The following IL18BP variants were observed in gnomAD, a reference collection of about 807,000 sequenced individuals.
The protein encoded by IL18BP is interleukin-18-binding protein.
Under a neutral mutation model 19.9 loss-of-function variants are expected in IL18BP, and 23 were observed. The observed-to-expected ratio is 1.15, with a 90% CI of 0.83 to 1.64. IL18BP has a LOEUF of 1.64. Among genes scored for constraint, IL18BP ranks in the 40% most tolerant of loss-of-function variants. The pLI is 0.00. For missense variants in IL18BP, 239 were observed against 240.7 expected (o/e 0.99, Z 0.05); for synonymous variants, 107 against 101.0 (o/e 1.06, Z -0.35).
rs751149001 is a variant in IL18BP, at chr11:72,001,269, G to A, written c.304G>A (p.Gly102Ser). 17 of 1,614,098 alleles carry A rather than the reference G, an allele frequency of 1.1e-5. No individual in the cohort carries two copies. Among genetic ancestry groups the A allele is most frequent in the Non-Finnish European group, 1.4e-5 (16 of 1,180,052 alleles). Residue 102 changes from glycine to serine, a missense_variant, in exon 4 of 6, where the codon GGC becomes AGC. Gly to Ser is a moderately conservative substitution (Grantham distance 56). Transcript: ENST00000393703. ...FPNFSILYWL[G>S]NGSFIEHLPG... Reference sequence around the variant, plus strand: ...CAACTTCAGCATCCTCTACTGGCTGGGCAATGGTTCCTTCATTGAGCACCT... The same window carrying A: ...CAACTTCAGCATCCTCTACTGGCTGAGCAATGGTTCCTTCATTGAGCACCT...
downstream of IL18BP, chr11:72,007,757 A>G (rs1955844887): frequency 2.5e-6 from 1 of 404,226 alleles, no homozygotes; most frequent in Non-Finnish European, 4.6e-6. Context: ...TGCATCTCCC[A>G]TTTCAGTGAA....
downstream of IL18BP, chr11:72,006,152 G>A (rs567304918): frequency 2.5e-5 from 40 of 1,614,188 alleles, no homozygotes; most frequent in Middle Eastern, 4.9e-4. Context: ...GAACCCAGGC[G>A]AGCTAGAGAC....
At chr11:72,003,268 CTT>C, downstream of IL18BP, 1 of 530,758 alleles carries the variant, frequency 1.9e-6, no homozygotes, top group Non-Finnish European at 3.4e-6. Context: ...GGAGAAGTGA[CTT>C]TGCTTTAAGA....
chr11:72,001,127 AGG>A, intron 3 of IL18BP, 72 bp from the exon 4 acceptor site: 1 of 1,579,550 alleles, frequency 6.3e-7, no homozygotes, highest in Non-Finnish European at 8.7e-7. Context: ...GGGAGCTGGC[AGG>A]GAGGGCACAG....
At chr11:72,001,073 G>A in intron 3 of IL18BP, 128 bp from the exon 4 acceptor site, 1 of 1,097,570 alleles carries the variant, frequency 9.1e-7, no homozygotes, top group Non-Finnish European at 1.3e-6. Flanking sequence ...CACCTAGGTG[G>A]TGTGCAGAGC....
At chr11:71,999,510 A>G (rs1955099170) in intron 1 of IL18BP, 1 of 219,434 alleles carries the variant, frequency 4.6e-6, no homozygotes, top group Non-Finnish European at 9.3e-6. Context: ...TGGCTAAAGC[A>G]GAGGTGTCAC....
chr11:72,007,424 C>T (rs759463716), downstream of IL18BP: 17 of 1,613,342 alleles, frequency 1.1e-5, 1 homozygote, highest in Admixed American at 1.5e-4. Context: ...TGGCTGGGTA[C>T]GAGGCAGCTT....
intron 4 of IL18BP, 28 bp from the exon 5 acceptor site, chr11:72,001,377 C>T (rs750491719): frequency 3.8e-5 from 62 of 1,614,076 alleles, no homozygotes; most frequent in East Asian, 6.7e-5. Context: ...GCGGCCTTCT[C>T]ATGACCTTTC....
Position 72,001,340 on chromosome 11 carries a change from G to C in IL18BP, c.359+16G>C, listed in dbSNP as rs1278451052. ...GGAGCACCAGGTGAGGGTCGCAGCA[G>C]CCAGGTGGGTGGGAAGGAGGCCTTC... On this transcript the variant is annotated intron_variant, in intron 4 of 5. Transcript: ENST00000393703. 2 of 1,614,246 alleles carry C rather than the reference G, an allele frequency of 1.2e-6. No homozygotes were observed. The highest frequency in any genetic ancestry group is 2.2e-5 in the South Asian group (2 of 91,088).
At chr11:71,999,261 T>A (rs2134236775) in intron 1 of IL18BP, 1 of 430,738 alleles carries the variant, frequency 2.3e-6, no homozygotes, top group Non-Finnish European at 4.6e-6. Context: ...AATGTCAGTG[T>A]GAAGGTGAAG....
rs1955160604 is a variant in IL18BP at position 72,000,573 on chromosome 11, G to A, written c.235+16G>A. The A allele has an allele frequency of 3.1e-6, 5 of 1,603,262 alleles. No homozygotes were observed. The highest frequency in any genetic ancestry group is 4.2e-6 in the Non-Finnish European group (5 of 1,177,684). On this transcript the variant is annotated intron_variant, in intron 3 of 5. Transcript: ENST00000393703. ...GTGCCACTGAGTAAGAAGCACAGTG[G>A]TGGAGGGTGGGCTATGGGCACAGAG...
chr11:72,006,242 C>G, downstream of IL18BP: 1 of 1,614,190 alleles, frequency 6.2e-7, no homozygotes, highest in Non-Finnish European at 8.5e-7. Context: ...TTGGCGCTGT[C>G]TGGCTCTTCC....
chr11:72,000,399 T>A lies in IL18BP; in HGVS notation c.77T>A (p.Leu26His). The A allele has an allele frequency of 6.2e-7, 1 of 1,614,098 alleles. No individual in the cohort carries two copies. The highest frequency in any genetic ancestry group is 8.5e-7 in the Non-Finnish European group (1 of 1,180,024). Residue 26 changes from leucine to histidine, a missense_variant, in exon 3 of 6, where the codon CTC becomes CAC. Physicochemically the swap from Leu to His is moderately conservative, Grantham distance 99 (BLOSUM62 -3). Coordinates refer to ENST00000393703, the MANE Select transcript of IL18BP (RefSeq NM_001039660.2). ...CTCCTGTGTGCCCACGTCGTCACTCTCCTGGTCAGAGCCACACCTGTCTCG... is the reference window on the plus strand; with the variant it reads ...CTCCTGTGTGCCCACGTCGTCACTCACCTGGTCAGAGCCACACCTGTCTCG... ...VLLLCAHVVTLLVRATPVSQT... is the reference protein window; with the variant it reads ...VLLLCAHVVTHLVRATPVSQT...
chr11:72,005,317 A>G, downstream of IL18BP: 2 of 1,608,404 alleles, frequency 1.2e-6, no homozygotes, highest in Non-Finnish European at 1.7e-6. Flanking sequence ...GGTTCCAGTC[A>G]TCCAGCTGCT....
Position 72,001,920 on chromosome 11 carries a change from T to C in IL18BP, c.*59T>C, listed in dbSNP as rs1479612397. ...GACCAGAGCTTGGGTCCTACCTGTC[T>C]ACCTGGAGTGAACAGTCCCTGACTG... is the stretch of plus-strand genomic sequence containing the variant. On this transcript the variant is annotated 3_prime_UTR_variant, in exon 6 of 6. Coordinates refer to ENST00000393703, the MANE Select transcript of IL18BP (RefSeq NM_001039660.2). 1.9e-6 allele frequency: 3 copies of C among 1,609,420 alleles called. No individual in the cohort carries two copies. The Admixed American group carries it at 5.1e-5, about 27-fold the overall frequency.
chr11:72,004,857 T>C, downstream of IL18BP: 1 of 1,516,492 alleles, frequency 6.6e-7, no homozygotes, highest in Non-Finnish European at 8.8e-7. Context: ...CATAGCTGTA[T>C]GGAGATGGAG....
downstream of IL18BP, chr11:72,007,267 G>A (rs147210888): frequency 1.0e-4 from 168 of 1,612,852 alleles, no homozygotes; most frequent in African/African-American, 7.9e-4. Context: ...CCAGGAAGAC[G>A]TCTCCCAGGG....
At chr11:72,006,006 G>C, downstream of IL18BP, 4 of 1,528,364 alleles carry the variant, frequency 2.6e-6, no homozygotes, top group Non-Finnish European at 3.6e-6. Flanking sequence ...CTAATTTTGG[G>C]GTATAGTAAG....
At chr11:72,006,037 G>C, downstream of IL18BP, 1 of 1,610,162 alleles carries the variant, frequency 6.2e-7, no homozygotes, top group South Asian at 1.1e-5. Context: ...CCCCTCACCT[G>C]GAGGGGCCCC....
Sources: gnomAD v4.1 joint callset for allele counts on GRCh38, gnomAD v4.1.1 for gene constraint, MANE v1.5 for transcripts, NCBI Gene and HGNC (gene_info 2026-07-23, HGNC 2026-07-21) for gene names.